The following CFAP43 variants were observed in gnomAD, a reference collection of about 807,000 sequenced individuals.
The protein encoded by CFAP43 is cilia- and flagella-associated protein 43.
A neutral mutation model predicts 218.9 loss-of-function variants in CFAP43; 155 were observed. The observed-to-expected ratio is 0.71, with a 90% CI of 0.62 to 0.81. CFAP43 has a LOEUF of 0.81. CFAP43 is among the 30% of genes least tolerant of loss of function. The pLI, the probability that CFAP43 is intolerant of heterozygous loss-of-function variation, is 0.00. For missense variants in CFAP43, 1,778 were observed against 1,954.3 expected, an observed-to-expected ratio of 0.91 and a Z score of 1.70; for synonymous variants, 645 against 681.3, an observed-to-expected ratio of 0.95 and a Z score of 0.83.
intron 19 of CFAP43, among the ~76,000 whole-genome samples, chr10:104,172,932 A>G (rs2089469435): frequency 6.6e-6 from 1 of 152,148 alleles, no homozygotes; most frequent in Non-Finnish European, 1.5e-5. Flanking sequence ...GGGAGGGGTA[A>G]TGGATGGAAG....
intron 2 of CFAP43, among the ~76,000 whole-genome samples, chr10:104,226,772 C>A (rs1472795053): frequency 6.6e-6 from 1 of 152,076 alleles, no homozygotes; most frequent in African/African-American, 2.4e-5. Context: ...GAAATCCCAG[C>A]ACTTTGGGAG....
At chr10:104,193,603 A>G (rs1264246079) in intron 11 of CFAP43, 1 of 386,724 alleles carries the variant, frequency 2.6e-6, no homozygotes, top group African/African-American at 2.0e-5. Context: ...AGTGCTTATT[A>G]TGTTTTGCTT....
At position 104,185,012 on chromosome 10, in the gene CFAP43, G is replaced by A. The variant is rs765702448; in HGVS notation, c.2141+4C>T. On this transcript the variant is annotated splice_donor_region_variant and intron_variant, in intron 16 of 37. Transcript: ENST00000357060. ...TGGGGTTACTTACTGAATACTGTAC[G>A]TACTTCCACTTTAGGTAGACAAGGG... 25 of 1,613,594 alleles carry A rather than the reference G, an allele frequency of 1.5e-5. No individual in the cohort carries two copies. Among genetic ancestry groups the A allele is most frequent in the South Asian group, 6.6e-5 (6 of 91,072 alleles).
intron 3 of CFAP43, among the ~76,000 whole-genome samples, chr10:104,224,878 C>T (rs1365240422): frequency 6.6e-6 from 1 of 151,570 alleles, no homozygotes; most frequent in East Asian, 1.9e-4. Flanking sequence ...ATATTTTGTA[C>T]TTCCCCTTAA....
chr10:104,206,112 CT>C, intron 6 of CFAP43, 82 bp from the exon 7 acceptor site: 1 of 1,078,170 alleles, frequency 9.3e-7, no homozygotes, highest in South Asian at 1.4e-5. Flanking sequence ...GCTACTTTTA[CT>C]GATGTAAATC....
chr10:104,198,237 C>G (rs189029115), intron 8 of CFAP43, among the ~76,000 whole-genome samples, 199 bp from the exon 9 acceptor site: 1 of 152,064 alleles, frequency 6.6e-6, no homozygotes, highest in Non-Finnish European at 1.5e-5. Context: ...ATTGATTGAT[C>G]GGTTGATTCA....
In CFAP43 at chr10:104,167,467, G is replaced by A. The variant is rs1589687430; in HGVS notation, c.2808+154C>T. On this transcript the variant is annotated intron_variant, in intron 22 of 37. Coordinates refer to ENST00000357060, the MANE Select transcript of CFAP43 (RefSeq NM_025145.7). ...TATTGTGTGGATATAGGCTCCTATA[G>A]TTATTAGAATATATTCTACAAATTA... 3 of 497,852 alleles carry A rather than the reference G, an allele frequency of 6.0e-6. No individual in the cohort carries two copies. In the Admixed American group the frequency reaches 1.2e-4, roughly 19 times the overall value. The allele number at this position is 497,852 out of a possible 1,614,324, so 30.8% of individuals were successfully genotyped here.
intron 20 of CFAP43, among the ~76,000 whole-genome samples, chr10:104,169,331 T>C (rs1243473312): frequency 6.6e-6 from 1 of 152,240 alleles, no homozygotes. Flanking sequence ...ACATTTGAAG[T>C]GCCAGTTTGT....
At chr10:104,212,351 G>A (rs1310676095) in intron 4 of CFAP43, among the ~76,000 whole-genome samples, 194 bp from the exon 5 acceptor site, 1 of 152,210 alleles carries the variant, frequency 6.6e-6, no homozygotes, top group Non-Finnish European at 1.5e-5. Flanking sequence ...TTTAAATTAA[G>A]TACTGAGGGA....
At chr10:104,230,887 T>TA (rs757319319) in intron 1 of CFAP43, 44 bp from the exon 2 acceptor site, 319 of 1,508,300 alleles carry the variant, frequency 2.1e-4, no homozygotes, top group African/African-American at 7.8e-4. Context: ...ACATTTCAAA[T>TA]ACTTTTTTTT....
At chr10:104,187,550 T>C in intron 13 of CFAP43, 58 bp from the exon 14 acceptor site, 1 of 1,393,920 alleles carries the variant, frequency 7.2e-7, no homozygotes, top group Non-Finnish European at 9.4e-7. Flanking sequence ...TTTTGTTTTT[T>C]TAAAATTATG....
At chr10:104,167,821 T>C (rs2089239034) in intron 21 of CFAP43, 84 bp from the exon 22 acceptor site, 1 of 961,674 alleles carries the variant, frequency 1.0e-6, no homozygotes, top group Non-Finnish European at 1.5e-6. Flanking sequence ...ATGTTTTCTG[T>C]GATTAAAATT....
intron 2 of CFAP43, among the ~76,000 whole-genome samples, chr10:104,227,880 C>T (rs1238436464): frequency 3.2e-5 from 3 of 92,446 alleles, no homozygotes; most frequent in African/African-American, 4.4e-5. Context: ...CAGAGTCTTG[C>T]TATGTTGCCA....
chr10:104,187,770 G>A (rs1299993853), intron 13 of CFAP43, among the ~76,000 whole-genome samples: 2 of 152,146 alleles, frequency 1.3e-5, no homozygotes, highest in African/African-American at 4.8e-5. Flanking sequence ...GTAGTATAGA[G>A]ATTCTTATAA....
intron 16 of CFAP43, among the ~76,000 whole-genome samples, chr10:104,182,896 A>G (rs921609384): frequency 6.6e-6 from 1 of 151,970 alleles, no homozygotes; most frequent in Non-Finnish European, 1.5e-5. Flanking sequence ...TGCTTCTTAC[A>G]GGAGACCCTT....
chr10:104,137,527 G>A (rs56720966), intron 34 of CFAP43, among the ~76,000 whole-genome samples: 4,072 of 152,204 alleles, frequency 0.027, 63 homozygotes, highest in African/African-American at 0.049. Context: ...ATGTTCTGAG[G>A]CCGGGTGGGG....
intron 3 of CFAP43, among the ~76,000 whole-genome samples, chr10:104,217,356 T>C (rs558605299): frequency 1.3e-5 from 2 of 148,398 alleles, no homozygotes; most frequent in Admixed American, 6.7e-5. Flanking sequence ...TTCTTTCTTT[T>C]TCTTTCTTTT....
At chr10:104,222,098 G>C (rs2091197279) in intron 3 of CFAP43, among the ~76,000 whole-genome samples, 4 of 152,156 alleles carry the variant, frequency 2.6e-5, no homozygotes, top group Non-Finnish European at 5.9e-5. Context: ...TAAAGGTAAA[G>C]TCTTCTTAGA....
rs192724932 is a variant in CFAP43 at position 104,133,383 on chromosome 10, C to T, written c.4596+237G>A. The T allele has an allele frequency of 4.7e-4, 167 of 352,740 alleles. 1 individual carries two copies. The highest frequency in any genetic ancestry group is 3.3e-3 in the African/African-American group (154 of 47,338). 21.9% of individuals were successfully genotyped at this position (352,740 alleles called of 1,614,324 possible). ...ATGCTACAGAGAATTGAAGGACCAC[C>T]GGGTTTGACAGGAAATCCTTAGCTC... On this transcript the variant is annotated intron_variant, in intron 35 of 37. Transcript: ENST00000357060.
Sources: allele counts gnomAD v4.1 joint callset (sites outside exome capture counted in the v4.1 genomes callset), GRCh38; gene constraint gnomAD v4.1.1; transcripts MANE v1.5; gene names NCBI Gene and HGNC (gene_info 2026-07-23, HGNC 2026-07-21).